Variants in EMC10 observed in about 807,000 individuals in gnomAD.
EMC10 encodes ER membrane protein complex subunit 10, also known as UPF0510 protein INM02.
In EMC10, 40 loss-of-function variants were observed where a neutral mutation model predicts 32.2. The observed-to-expected ratio is 1.24, with a 90% confidence interval of 0.96 to 1.61. The LOEUF (loss-of-function observed/expected upper bound fraction) is 1.61. Among genes scored for constraint, EMC10 ranks in the 40% most tolerant of loss-of-function variants. The pLI, the probability that EMC10 is intolerant of heterozygous loss-of-function variation, is 0.00. For synonymous variants in EMC10, 178 were observed against 158.4 expected (o/e 1.12, Z -0.93); for missense variants, 402 against 357.7 (o/e 1.12, Z -1.00).
At chr19:50,477,018 G>C (rs557068000) in intron 1 of EMC10, 1 of 201,726 alleles carries the variant, frequency 5.0e-6, no homozygotes, top group Non-Finnish European at 9.9e-6. Context: ...CGCTTAGGGA[G>C]GCCGAGGCGG....
In EMC10 at chr19:50,482,540, G is replaced by A. The variant is rs1429135713; in HGVS notation, c.*281G>A. 1 of 550,802 alleles carries A rather than the reference G, an allele frequency of 1.8e-6. No individual in the cohort carries two copies. Among genetic ancestry groups the A allele is most frequent in the East Asian group, 3.1e-5 (1 of 32,296 alleles). 34.1% of individuals were successfully genotyped at this position (550,802 alleles called of 1,614,324 possible). ...CCCCTGCCCATGGAGTAGAGCCCGAGATCCTGGCCACTATGCCAGTTCTGA... is the reference window on the plus strand; with the variant it reads ...CCCCTGCCCATGGAGTAGAGCCCGAAATCCTGGCCACTATGCCAGTTCTGA... On this transcript the variant is annotated 3_prime_UTR_variant, in exon 7 of 7. Transcript: ENST00000334976.
Position 50,480,450 on chromosome 19 carries a change from C to T in EMC10, c.403-131C>T, listed in dbSNP as rs182625572. The T allele has an allele frequency of 1.7e-6, 2 of 1,185,698 alleles. No individual in the cohort carries two copies. Among genetic ancestry groups the T allele is most frequent in the Admixed American group, 2.5e-5 (1 of 40,502 alleles). The allele number at this position is 1,185,698 out of a possible 1,614,324, so 73.4% of individuals were successfully genotyped here. A position where few individuals can be genotyped will look rare whatever the true frequency, so the allele number is the denominator to read the frequency against. ...GGGTGGGGGGCGGTTGAACTTGGGC[C>T]TGAGGGTAACAGGGAGCCATGGGAA... On this transcript the variant is annotated intron_variant, in intron 4 of 6. Coordinates refer to ENST00000334976, the MANE Select transcript of EMC10 (RefSeq NM_206538.4). The surrounding 1 kb of genome is among the most constrained non-coding windows in gnomAD (Gnocchi z 4.4).
chr19:50,477,851 C>CTG (rs1287852311), intron 1 of EMC10, 78 bp from the exon 2 acceptor site: 20 of 1,141,388 alleles, frequency 1.8e-5, no homozygotes, highest in Middle Eastern at 2.5e-4. Flanking sequence ...ACCAGTCTGT[C>CTG]TGTCCTGGGT....
chr19:50,482,213 A>AGGGTGG lies in EMC10; in HGVS notation c.762_767dup (p.Gly258_Gly259dup), dbSNP rs745832642. On this transcript the variant is annotated inframe_insertion, in exon 7 of 7. Transcript: ENST00000334976. The stretch of plus-strand genomic sequence containing the variant: ...TCAGGAGCGCCAGACACCGGGGGCC[A>AGGGTGG]GGGTGGGGGTGGGGGTGGGGGTGGT... The AGGGTGG allele has an allele frequency of 2.7e-4, 36 of 131,714 alleles. No homozygotes were observed. The highest frequency in any genetic ancestry group is 6.0e-4 in the South Asian group (10 of 16,690). 8.2% of individuals were successfully genotyped at this position (131,714 alleles called of 1,614,324 possible).
chr19:50,482,039 G>A, intron 6 of EMC10, 110 bp from the exon 7 acceptor site: 2 of 1,511,794 alleles, frequency 1.3e-6, no homozygotes, highest in South Asian at 1.1e-5. Flanking sequence ...CCCCTTACGC[G>A]ACCTCCCCTC....
Position 50,483,372 on chromosome 19 carries a change from G to T in EMC10, c.*1113G>T, listed in dbSNP as rs1451085989. 1 of 287,266 alleles carries T rather than the reference G, an allele frequency of 3.5e-6. No homozygotes were observed. The highest frequency in any genetic ancestry group is 2.2e-5 in the African/African-American group (1 of 44,702). 17.8% of individuals were successfully genotyped at this position (287,266 alleles called of 1,614,324 possible). On this transcript the variant is annotated 3_prime_UTR_variant, in exon 7 of 7. Coordinates refer to ENST00000334976, the MANE Select transcript of EMC10 (RefSeq NM_206538.4). ...ACGCAGCTAGCCTCCTGCATTGTAT[G>T]GTTATAAATAGCACCCTAGTGAGTG... is the stretch of plus-strand genomic sequence containing the variant.
chr19:50,478,436 A>G (rs1312747499), intron 2 of EMC10, among the ~76,000 whole-genome samples: 1 of 152,166 alleles, frequency 6.6e-6, no homozygotes, highest in African/African-American at 2.4e-5. Flanking sequence ...GGCCAGCTTC[A>G]AACCCAAACT....
chr19:50,490,385 TTACAGGCGTTGA>T lies in EMC10; in HGVS notation c.*8127_*8138del, dbSNP rs1261596412. The T allele has an allele frequency of 6.6e-6, 1 of 152,186 alleles. No homozygotes were observed. Among genetic ancestry groups the T allele is most frequent in the Non-Finnish European group, 1.5e-5 (1 of 68,060 alleles). The allele number at this position is 152,186 out of a possible 1,614,324, so 9.4% of individuals were successfully genotyped here. On this transcript the variant is annotated 3_prime_UTR_variant, in exon 7 of 7. Transcript: ENST00000334976. Reference sequence around the variant, plus strand: ...ACCTTGGCCTCCCAAAGTGCTGGGATTACAGGCGTTGAGCCACCGTGGCCGGCCCTTAAAAGC... The same window carrying T: ...ACCTTGGCCTCCCAAAGTGCTGGGATGCCACCGTGGCCGGCCCTTAAAAGC...
rs1046246 is a variant in EMC10 at position 50,482,835 on chromosome 19, C to A, written c.*576C>A. On this transcript the variant is annotated 3_prime_UTR_variant, in exon 7 of 7. Coordinates refer to ENST00000334976, the MANE Select transcript of EMC10 (RefSeq NM_206538.4). ...GATGGCCGGGGGCTTCTGGGCCCGACGCCTAGTGCAGCCCCTGGGGTCGTG... is the reference window on the plus strand; with the variant it reads ...GATGGCCGGGGGCTTCTGGGCCCGAAGCCTAGTGCAGCCCCTGGGGTCGTG... The A allele has an allele frequency of 2.7e-5, 14 of 521,056 alleles. No individual in the cohort carries two copies. The East Asian group carries it at 4.4e-4, about 16-fold the overall frequency. 32.3% of individuals were successfully genotyped at this position (521,056 alleles called of 1,614,324 possible).
Position 50,480,638 on chromosome 19 carries a change from G to A in EMC10, c.460G>A (p.Gly154Ser), listed in dbSNP as rs543047468. Residue 154 changes from glycine (G) to serine (S), a missense_variant, in exon 5 of 7, where the codon GGC (glycine) becomes AGC (serine). Coordinates refer to ENST00000334976, the MANE Select transcript of EMC10 (RefSeq NM_206538.4). This position sits in a 1 kb window ranked among gnomAD's most constrained non-coding sequence, Gnocchi z 4.4. ...GCTGACCCTGCACGTGGATGTGGCC[G>A]GCAACGTGGTGGGCGTGTCGGTGGT... ...DQLTLHVDVA[G>S]NVVGVSVVTH... 2.5e-5 allele frequency: 39 copies of A among 1,584,378 alleles called. 1 individual carries two copies. The highest frequency in any genetic ancestry group is 1.4e-4 in the East Asian group (6 of 43,140).
Position 50,480,948 on chromosome 19 carries a change from C to T in EMC10, c.649C>T (p.Gln217Ter), listed in dbSNP as rs374258787. The change falls in exon 6 of 7, where the codon CAG (glutamine) becomes TAG (stop). Residue 217 changes from glutamine to a stop codon, truncating the protein, a stop_gained. Transcript: ENST00000334976. LOFTEE classifies it high-confidence loss of function. This position sits in a 1 kb window ranked among gnomAD's most constrained non-coding sequence, Gnocchi z 4.4. Reference protein sequence around the residue: ...MEQAQKAKNPQEQKSFFAKYW... With the variant: ...MEQAQKAKNP ...ACAGGCCCAGAAGGCCAAGAACCCCCAGGAGCAGAAGTCCTTCTTCGCCAA... is the reference window on the plus strand; with the variant it reads ...ACAGGCCCAGAAGGCCAAGAACCCCTAGGAGCAGAAGTCCTTCTTCGCCAA... 4 of 1,612,748 alleles carry T rather than the reference C, an allele frequency of 2.5e-6. No individual in the cohort carries two copies. The highest frequency in any genetic ancestry group is 1.1e-5 in the South Asian group (1 of 91,026).
chr19:50,482,213 A>T lies in EMC10; in HGVS notation c.743A>T (p.Gln248Leu). 6.8e-5 allele frequency: 9 copies of T among 131,688 alleles called. No homozygotes were observed. Among genetic ancestry groups the T allele is most frequent in the Non-Finnish European group, 1.0e-4 (8 of 77,668 alleles). The allele number at this position is 131,688 out of a possible 1,614,324, so 8.2% of individuals were successfully genotyped here. A position where few individuals can be genotyped will look rare whatever the true frequency, so the allele number is the denominator to read the frequency against. Residue 248 changes from glutamine to leucine, a missense_variant, in exon 7 of 7, where the codon CAG (glutamine) becomes CTG (leucine). Gln to Leu is a moderately radical substitution (Grantham distance 113). Coordinates refer to ENST00000334976, the MANE Select transcript of EMC10 (RefSeq NM_206538.4). ...TCAGGAGCGCCAGACACCGGGGGCC[A>T]GGGTGGGGGTGGGGGTGGGGGTGGT... is the stretch of plus-strand genomic sequence containing the variant. ...MMSGAPDTGGQGGGGGGGGGG... is the reference protein window; with the variant it reads ...MMSGAPDTGGLGGGGGGGGGG...
At position 50,489,106 on chromosome 19, in the gene EMC10, GAAGTT is replaced by G. The variant is rs1349139168; in HGVS notation, c.*6851_*6855del. ...GTAGGAGAGGGCTGGAGAGAGAAGG[GAAGTT>G]AAGAAGGGAAGGAGAGAGACAGACA... On this transcript the variant is annotated 3_prime_UTR_variant, in exon 7 of 7. Transcript: ENST00000334976. 6.6e-6 allele frequency: 1 copy of G among 151,964 alleles called. No individual in the cohort carries two copies. The highest frequency in any genetic ancestry group is 1.5e-5 in the Non-Finnish European group (1 of 68,128). The allele number at this position is 151,964 out of a possible 1,614,324, so 9.4% of individuals were successfully genotyped here. A position where few individuals can be genotyped will look rare whatever the true frequency, so the allele number is the denominator to read the frequency against.
In EMC10 at chr19:50,482,504, C is replaced by T. The variant is rs1274166133; in HGVS notation, c.*245C>T. The T allele has an allele frequency of 7.0e-6, 4 of 572,028 alleles. No homozygotes were observed. The South Asian group carries it at 8.9e-5, about 13-fold the overall frequency. The allele number at this position is 572,028 out of a possible 1,614,324, so 35.4% of individuals were successfully genotyped here. A position where few individuals can be genotyped will look rare whatever the true frequency, so the allele number is the denominator to read the frequency against. On this transcript the variant is annotated 3_prime_UTR_variant, in exon 7 of 7. Coordinates refer to ENST00000334976, the MANE Select transcript of EMC10 (RefSeq NM_206538.4). ...CCTCCCCCATGGCCCCATGCAGCCC[C>T]AGGGGCTTCCCCCCTGCCCATGGAG...
Position 50,483,340 on chromosome 19 carries a change from G to T in EMC10, c.*1081G>T. ...TGGCAGTTTATTAAACTGTCCCCCAGATCGACACGCAGCTAGCCTCCTGCA... is the reference window on the plus strand; with the variant it reads ...TGGCAGTTTATTAAACTGTCCCCCATATCGACACGCAGCTAGCCTCCTGCA... On this transcript the variant is annotated 3_prime_UTR_variant, in exon 7 of 7. Transcript: ENST00000334976. 1 of 332,352 alleles carries T rather than the reference G, an allele frequency of 3.0e-6. No individual in the cohort carries two copies. Among genetic ancestry groups the T allele is most frequent in the Middle Eastern group, 4.7e-4 (1 of 2,132 alleles). 20.6% of individuals were successfully genotyped at this position (332,352 alleles called of 1,614,324 possible). A position where few individuals can be genotyped will look rare whatever the true frequency, so the allele number is the denominator to read the frequency against.
At position 50,482,586 on chromosome 19, in the gene EMC10, A is replaced by G; in HGVS notation, c.*327A>G. On this transcript the variant is annotated 3_prime_UTR_variant, in exon 7 of 7. Transcript: ENST00000334976. ...TCTGACCTCGCATCCCCCTACCCCGAGCCCATGCAGTCTGGGAACATGCCG... is the reference window on the plus strand; with the variant it reads ...TCTGACCTCGCATCCCCCTACCCCGGGCCCATGCAGTCTGGGAACATGCCG... The G allele has an allele frequency of 6.0e-6, 3 of 502,624 alleles. No homozygotes were observed. Among genetic ancestry groups the G allele is most frequent in the Non-Finnish European group, 1.0e-5 (3 of 286,340 alleles). The allele number at this position is 502,624 out of a possible 1,614,324, so 31.1% of individuals were successfully genotyped here.
Position 50,482,381 on chromosome 19 carries a change from G to A in EMC10, c.*122G>A, listed in dbSNP as rs577208299. ...GGTCCCTCCTTTCCCCCCGTCCCAC[G>A]AGGCCACCTGGGCCAGCCCCTTGTC... is the stretch of plus-strand genomic sequence containing the variant. On this transcript the variant is annotated 3_prime_UTR_variant, in exon 7 of 7. Coordinates refer to ENST00000334976, the MANE Select transcript of EMC10 (RefSeq NM_206538.4). 3 of 611,966 alleles carry A rather than the reference G, an allele frequency of 4.9e-6. No homozygotes were observed. Among genetic ancestry groups the A allele is most frequent in the South Asian group, 3.9e-5 (2 of 51,906 alleles). 37.9% of individuals were successfully genotyped at this position (611,966 alleles called of 1,614,324 possible). A position where few individuals can be genotyped will look rare whatever the true frequency, so the allele number is the denominator to read the frequency against.
In EMC10 at chr19:50,486,698, A is replaced by T. The variant is rs1016139746; in HGVS notation, c.*4439A>T. On this transcript the variant is annotated 3_prime_UTR_variant, in exon 7 of 7. Transcript: ENST00000334976. ...AACAGGTTTGTGTGAACCAAATTCC[A>T]TTTTCCTTTGTTTCCCATGTGCAGT... The T allele has an allele frequency of 6.6e-6, 1 of 152,070 alleles. No homozygotes were observed. The highest frequency in any genetic ancestry group is 2.1e-4 in the South Asian group (1 of 4,830). 9.4% of individuals were successfully genotyped at this position (152,070 alleles called of 1,614,324 possible). A position where few individuals can be genotyped will look rare whatever the true frequency, so the allele number is the denominator to read the frequency against.
rs1329218067 is a variant in EMC10, at chr19:50,476,607, G to C, written c.63G>C (p.Ala21=). Reference sequence around the variant, plus strand: ...TGCTCTTGCTGATGGCGGTAGCAGCGCCCAGTCGAGCCCGGGGCAGCGGCT... The same window carrying C: ...TGCTCTTGCTGATGGCGGTAGCAGCCCCCAGTCGAGCCCGGGGCAGCGGCT... ...LLLLLLMAVA[A]PSRARGSGCR... The change falls in exon 1 of 7, where the codon GCG becomes GCC. Residue 21 remains alanine (A), a synonymous_variant. Transcript: ENST00000334976. 17 of 1,561,056 alleles carry C rather than the reference G, an allele frequency of 1.1e-5. No homozygotes were observed. In the East Asian group the frequency reaches 3.8e-4, roughly 35 times the overall value.
Sources: gnomAD v4.1 joint callset for allele counts (sites outside exome capture counted in the v4.1 genomes callset) on GRCh38, gnomAD v4.1.1 for gene constraint, Gnocchi (gnomAD v3.1) non-coding constraint, MANE v1.5 for transcripts, NCBI Gene and HGNC (gene_info 2026-07-23, HGNC 2026-07-21) for gene names.